The following NEGR1 variants were observed in gnomAD, a reference collection of about 807,000 sequenced individuals.
NEGR1 encodes neuronal growth regulator 1.
NEGR1 carries 10 observed loss-of-function variants against 40.9 expected under a neutral mutation model. The observed-to-expected ratio is 0.24, with a 90% CI of 0.15 to 0.42. NEGR1 has a LOEUF of 0.42. Ranked by LOEUF, NEGR1 falls within the 10% of genes least tolerant of loss-of-function variation. The pLI is 1.00. For missense variants in NEGR1, 352 were observed against 438.9 expected, an observed-to-expected ratio of 0.80 and a Z score of 1.77; for synonymous variants, 185 against 166.8, an observed-to-expected ratio of 1.11 and a Z score of -0.84.
intron 1 of NEGR1, among the ~76,000 whole-genome samples, chr1:72,166,274 A>G (rs1570068149): frequency 6.6e-6 from 1 of 152,034 alleles, no homozygotes; most frequent in South Asian, 2.1e-4. Context: ...TATCAAAAAG[A>G]TGAAAGATAA....
rs547803956 is a variant in NEGR1, at chr1:71,689,918, T to C, written c.667+8090A>G. Among the ~76,000 whole-genome samples the C allele has an allele frequency of 1.2e-3, 180 of 152,048 alleles. 1 individual carries two copies. Among genetic ancestry groups the C allele is most frequent in the African/African-American group, 4.1e-3 (172 of 41,522 alleles). On this transcript the variant is annotated intron_variant, in intron 4 of 6. Transcript: ENST00000357731. ...ACAGATATTTAACGTTATTTTAACA[T>C]TTATCATTTAACAGATAGAGAGAAT...
chr1:72,202,872 C>G (rs1354950338), intron 1 of NEGR1, among the ~76,000 whole-genome samples: 1 of 152,006 alleles, frequency 6.6e-6, no homozygotes, highest in Non-Finnish European at 1.5e-5. Context: ...ATCAACTCTG[C>G]TTGTGTCCTA....
chr1:71,547,251 G>T (rs1009603176), intron 6 of NEGR1, among the ~76,000 whole-genome samples: 1 of 151,698 alleles, frequency 6.6e-6, no homozygotes, highest in African/African-American at 2.4e-5. Flanking sequence ...CCAACTCCAA[G>T]CAATAGTCCC....
chr1:71,570,644 CTTA>C (rs150984543), intron 6 of NEGR1, among the ~76,000 whole-genome samples: 41 of 148,170 alleles, frequency 2.8e-4, no homozygotes, highest in East Asian at 2.2e-3. Context: ...ATACTGGGTC[CTTA>C]TTATTATTAT....
Position 72,270,207 on chromosome 1 carries a change from A to G in NEGR1, c.176+12112T>C, listed in dbSNP as rs74088557. The stretch of plus-strand genomic sequence containing the variant: ...AATAGCTTATTGTACACAGCTGTGA[A>G]TGTATGTCATATATGGTAGATGTTC... On this transcript the variant is annotated intron_variant, in intron 1 of 6. Coordinates refer to ENST00000357731, the MANE Select transcript of NEGR1 (RefSeq NM_173808.3). 3.1e-3 allele frequency among the ~76,000 whole-genome samples: 467 copies of G among 151,952 alleles called. 1 individual carries two copies. The highest frequency in any genetic ancestry group is 0.01 in the African/African-American group (430 of 41,516).
intron 1 of NEGR1, among the ~76,000 whole-genome samples, chr1:72,089,946 C>T (rs975463974): frequency 1.3e-5 from 2 of 151,834 alleles, no homozygotes; most frequent in Non-Finnish European, 2.9e-5. Flanking sequence ...ATTTTATGAG[C>T]CTTTTAATCA....
chr1:71,866,683 G>A (rs1052719099), intron 2 of NEGR1, among the ~76,000 whole-genome samples: 2 of 152,026 alleles, frequency 1.3e-5, no homozygotes, highest in Non-Finnish European at 2.9e-5. Flanking sequence ...GAGAGGACAG[G>A]GTAACTTTTA....
At chr1:71,635,889 G>A (rs1651132013) in intron 4 of NEGR1, among the ~76,000 whole-genome samples, 1 of 151,832 alleles carries the variant, frequency 6.6e-6, no homozygotes, top group Non-Finnish European at 1.5e-5. Flanking sequence ...GCTTCATATT[G>A]TGTATATTTT....
intron 1 of NEGR1, among the ~76,000 whole-genome samples, chr1:71,990,625 A>T (rs1292732062): frequency 6.6e-6 from 1 of 152,120 alleles, no homozygotes; most frequent in African/African-American, 2.4e-5. Context: ...TCCTGGTAAA[A>T]TGATGATAAT....
chr1:72,002,392 A>T (rs559990147), intron 1 of NEGR1, among the ~76,000 whole-genome samples: 3 of 152,230 alleles, frequency 2.0e-5, no homozygotes, highest in South Asian at 2.1e-4. Context: ...CTCGCATTGA[A>T]TTTCCAATAG....
chr1:71,517,631 G>T (rs1193687603), intron 6 of NEGR1, among the ~76,000 whole-genome samples: 7 of 142,476 alleles, frequency 4.9e-5, no homozygotes, highest in Non-Finnish European at 1.5e-5. Context: ...TACTGAATGG[G>T]CAAAAACTGG....
intron 3 of NEGR1, among the ~76,000 whole-genome samples, chr1:71,765,708 C>G (rs1656097632): frequency 6.6e-6 from 1 of 152,070 alleles, no homozygotes; most frequent in South Asian, 2.1e-4. Flanking sequence ...TCTTATTTGA[C>G]CTGATTGACA....
At chr1:71,903,241 T>G (rs1036341527) in intron 2 of NEGR1, among the ~76,000 whole-genome samples, 13 of 152,046 alleles carry the variant, frequency 8.6e-5, no homozygotes, top group African/African-American at 3.1e-4. Context: ...TGTGATGGTA[T>G]GTAAACATTT....
chr1:71,869,179 T>C (rs533947188), intron 2 of NEGR1, among the ~76,000 whole-genome samples: 1 of 152,314 alleles, frequency 6.6e-6, no homozygotes, highest in South Asian at 2.1e-4. Context: ...ATTAAATCTG[T>C]TGTTAGGTAA....
chr1:71,941,460 T>C (rs1645958687), intron 1 of NEGR1, among the ~76,000 whole-genome samples: 1 of 152,174 alleles, frequency 6.6e-6, no homozygotes, highest in Non-Finnish European at 1.5e-5. Flanking sequence ...TATCACTTTA[T>C]ATAATCTTAT....
intron 5 of NEGR1, among the ~76,000 whole-genome samples, chr1:71,601,936 AT>A (rs1235018233): frequency 6.6e-6 from 1 of 152,174 alleles, no homozygotes; most frequent in African/African-American, 2.4e-5. Flanking sequence ...AGCCTTGCAC[AT>A]GTACCTGCTG....
intron 1 of NEGR1, among the ~76,000 whole-genome samples, chr1:72,102,191 CTT>C (rs1648973753): frequency 6.6e-6 from 1 of 151,976 alleles, no homozygotes; most frequent in Non-Finnish European, 1.5e-5. Flanking sequence ...AAGAAGTATA[CTT>C]ATAAAATGTT....
chr1:71,840,891 A>G (rs1251172135), intron 2 of NEGR1, among the ~76,000 whole-genome samples: 1 of 152,172 alleles, frequency 6.6e-6, no homozygotes, highest in East Asian at 1.9e-4. Context: ...GCTGAAGGCC[A>G]GAATAGAACA....
chr1:71,926,346 G>GA (rs56677701), intron 2 of NEGR1, among the ~76,000 whole-genome samples: 31,172 of 145,940 alleles, frequency 0.21, 3,562 homozygotes, highest in Admixed American at 0.36. Flanking sequence ...CTGAAAACTT[G>GA]AAAAAAAAAA....
Sources: gnomAD v4.1 joint callset for allele counts (sites outside exome capture counted in the v4.1 genomes callset) on GRCh38, gnomAD v4.1.1 for gene constraint, MANE v1.5 for transcripts, NCBI Gene and HGNC (gene_info 2026-07-23, HGNC 2026-07-21) for gene names.